USP10: variants seen among roughly 807,000 people sequenced by gnomAD.
USP10 encodes the protein ubiquitin specific peptidase 10.
Under a neutral mutation model 84.5 loss-of-function variants are expected in USP10, and 22 were observed. The observed-to-expected ratio is 0.26, with a 90% CI of 0.19 to 0.37. USP10 has a LOEUF of 0.37. USP10 is among the 10% of genes least tolerant of loss of function. The pLI is 1.00. For synonymous variants in USP10, 454 were observed against 387.6 expected, an observed-to-expected ratio of 1.17 and a Z score of -2.01; for missense variants, 1,019 against 998.9, an observed-to-expected ratio of 1.02 and a Z score of -0.27.
chr16:84,771,919 C>T (rs367629949), intron 11 of USP10, among the ~76,000 whole-genome samples: 29 of 152,262 alleles, frequency 1.9e-4, no homozygotes, highest in African/African-American at 7.0e-4. Flanking sequence ...ACTAAGTTAG[C>T]TTTTTAATTT....
chr16:84,719,278 G>C (rs1413913739), intron 1 of USP10, among the ~76,000 whole-genome samples: 1 of 152,154 alleles, frequency 6.6e-6, no homozygotes, highest in Non-Finnish European at 1.5e-5. Context: ...ATAACTGAAT[G>C]GAGAAGTAGC....
At chr16:84,753,475 C>T (rs886419138) in intron 4 of USP10, among the ~76,000 whole-genome samples, 7 of 152,236 alleles carry the variant, frequency 4.6e-5, no homozygotes, top group African/African-American at 4.8e-5. Context: ...GCCGTCATGC[C>T]GGGAGTGGTC....
At chr16:84,710,922 G>T (rs1442706235) in intron 1 of USP10, among the ~76,000 whole-genome samples, 1 of 152,198 alleles carries the variant, frequency 6.6e-6, no homozygotes, top group African/African-American at 2.4e-5. Flanking sequence ...CGCATGAATA[G>T]CAATAACGAA....
chr16:84,716,032 C>G (rs375383405), intron 1 of USP10, among the ~76,000 whole-genome samples: 1 of 152,082 alleles, frequency 6.6e-6, no homozygotes, highest in Non-Finnish European at 1.5e-5. Flanking sequence ...AGCACTGTGG[C>G]GAGGAGGGTG....
At position 84,779,900 on chromosome 16, in the gene USP10, A is replaced by G. The variant is rs1394861832; in HGVS notation, c.*818A>G. 6.6e-6 allele frequency: 1 copy of G among 152,216 alleles called. No homozygotes were observed. Among genetic ancestry groups the G allele is most frequent in the Non-Finnish European group, 1.5e-5 (1 of 68,030 alleles). The allele number at this position is 152,216 out of a possible 1,614,324, so 9.4% of individuals were successfully genotyped here. On this transcript the variant is annotated 3_prime_UTR_variant, in exon 14 of 14. Coordinates refer to ENST00000219473, the MANE Select transcript of USP10 (RefSeq NM_005153.3). ...GAGTATAAAGTTGTCGCCCATCAAT[A>G]AAAATCACAAAGTTGGTTTAAAGGT...
chr16:84,735,296 C>T (rs1909789952), intron 2 of USP10, among the ~76,000 whole-genome samples: 1 of 151,466 alleles, frequency 6.6e-6, no homozygotes, highest in Non-Finnish European at 1.5e-5. Context: ...ACTGATGTAA[C>T]CATACGTTTT....
At chr16:84,748,670 T>C (rs1030492495) in intron 4 of USP10, among the ~76,000 whole-genome samples, 18 of 152,242 alleles carry the variant, frequency 1.2e-4, no homozygotes, top group African/African-American at 3.6e-4. Context: ...AGGGAGATTT[T>C]CTCTATCTTT....
chr16:84,708,484 G>C (rs943585616), intron 1 of USP10, among the ~76,000 whole-genome samples: 3 of 152,210 alleles, frequency 2.0e-5, no homozygotes, highest in African/African-American at 7.2e-5. Context: ...TTCACATTCA[G>C]ATTCTTGTCC....
At chr16:84,725,806 C>T (rs570586311) in intron 1 of USP10, among the ~76,000 whole-genome samples, 1 of 152,294 alleles carries the variant, frequency 6.6e-6, no homozygotes, top group Admixed American at 6.5e-5. Flanking sequence ...TCCAACATAC[C>T]TTCATTTTGT....
At chr16:84,713,683 A>G (rs77381225) in intron 1 of USP10, among the ~76,000 whole-genome samples, 3,419 of 152,348 alleles carry the variant, frequency 0.022, 60 homozygotes, top group Non-Finnish European at 0.035. Flanking sequence ...GCCCACAGTC[A>G]GGTGTGGGAA....
At chr16:84,772,001 C>CTG (rs1914504570) in intron 11 of USP10, among the ~76,000 whole-genome samples, 1 of 152,124 alleles carries the variant, frequency 6.6e-6, no homozygotes, top group Non-Finnish European at 1.5e-5. Flanking sequence ...CTTCAGGGAC[C>CTG]CAAGAGGCTC....
chr16:84,764,932 A>AG lies in USP10; in HGVS notation c.1832+669_1832+670insG, dbSNP rs1555548042. On this transcript the variant is annotated intron_variant, in intron 10 of 13. Transcript: ENST00000219473. ...TAAACAATAACCACGAGAGAGAGAGAAAAAAAAATATATATATATATATTA... is the reference window on the plus strand; with the variant it reads ...TAAACAATAACCACGAGAGAGAGAGAGAAAAAAAATATATATATATATATTA... Among the ~76,000 whole-genome samples the AG allele has an allele frequency of 4.8e-4, 62 of 130,226 alleles. 1 individual carries two copies. Among genetic ancestry groups the AG allele is most frequent in the South Asian group, 1.3e-3 (5 of 3,992 alleles). 85.4% of individuals were successfully genotyped at this position (130,226 alleles called of 152,430 possible). A position where few individuals can be genotyped will look rare whatever the true frequency, so the allele number is the denominator to read the frequency against.
intron 2 of USP10, among the ~76,000 whole-genome samples, chr16:84,735,205 G>A (rs879316813): frequency 2.5e-3 from 152 of 61,908 alleles, no homozygotes; most frequent in East Asian, 0.02. Context: ...TGGTGTGTGT[G>A]TGTGTGTGTG....
chr16:84,744,083 A>G (rs898864404), intron 3 of USP10, among the ~76,000 whole-genome samples: 1 of 151,410 alleles, frequency 6.6e-6, no homozygotes, highest in Non-Finnish European at 1.5e-5. Context: ...TCTTTTTTTG[A>G]CATCTTTTTT....
intron 4 of USP10, among the ~76,000 whole-genome samples, chr16:84,752,854 C>A (rs7184644): frequency 0.2 from 29,818 of 152,022 alleles, 3,549 homozygotes; most frequent in East Asian, 0.37. Context: ...CAAAAGTGGA[C>A]CTTAAATGTT....
intron 1 of USP10, among the ~76,000 whole-genome samples, chr16:84,713,511 T>C (rs1452017861): frequency 2.0e-5 from 3 of 152,120 alleles, no homozygotes; most frequent in African/African-American, 4.8e-5. Context: ...CCTCCCCCAA[T>C]GTAAGCTCCT....
rs747216657 is a variant in USP10, at chr16:84,700,054, G to T, written c.-37G>T. 2.2e-6 allele frequency: 3 copies of T among 1,364,740 alleles called. No homozygotes were observed. The African/African-American group carries it at 4.6e-5, about 21-fold the overall frequency. The allele number at this position is 1,364,740 out of a possible 1,614,324, so 84.5% of individuals were successfully genotyped here. A position where few individuals can be genotyped will look rare whatever the true frequency, so the allele number is the denominator to read the frequency against. Reference sequence around the variant, plus strand: ...GGCGGCGGGGGAAGCAGCGTGAGCAGCCGGAGGATCGCGGAGTCCCAATGA... The same window carrying T: ...GGCGGCGGGGGAAGCAGCGTGAGCATCCGGAGGATCGCGGAGTCCCAATGA... On this transcript the variant is annotated 5_prime_UTR_variant, in exon 1 of 14. Coordinates refer to ENST00000219473, the MANE Select transcript of USP10 (RefSeq NM_005153.3).
chr16:84,734,368 A>G lies in USP10; in HGVS notation c.90+865A>G, dbSNP rs1012713195. 8.5e-5 allele frequency among the ~76,000 whole-genome samples: 13 copies of G among 152,330 alleles called. No individual in the cohort carries two copies. The East Asian group carries it at 2.5e-3, about 29-fold the overall frequency. On this transcript the variant is annotated intron_variant, in intron 2 of 13. Transcript: ENST00000219473. ...CATTGTTTTAATTTACATCTCCCAG[A>G]TTACAAACAGCTGGGTACTATTTCA...
intron 13 of USP10, among the ~76,000 whole-genome samples, chr16:84,776,539 G>A (rs375237058): frequency 1.5e-4 from 23 of 152,326 alleles, no homozygotes; most frequent in Admixed American, 1.3e-3. Context: ...TGAGTCCTCA[G>A]ACTCTGCAGC....
Sources: gnomAD v4.1 joint callset for allele counts (sites outside exome capture counted in the v4.1 genomes callset) on GRCh38, gnomAD v4.1.1 for gene constraint, MANE v1.5 for transcripts, NCBI Gene and HGNC (gene_info 2026-07-23, HGNC 2026-07-21) for gene names.